NMRAL1: variants seen among roughly 807,000 people sequenced by gnomAD.
NMRAL1 encodes the protein nmrA-like family domain-containing protein 1.
In NMRAL1, 32 loss-of-function variants were observed where a neutral mutation model predicts 27.5. That is an observed-to-expected ratio of 1.16 (90% CI 0.88 to 1.56). The LOEUF is 1.56. Among genes scored for constraint, NMRAL1 ranks in the 40% most tolerant of loss-of-function variants. The pLI is 0.00. For synonymous variants in NMRAL1, 166 were observed against 166.8 expected (o/e 1.00, Z 0.04); for missense variants, 420 against 392.0 (o/e 1.07, Z -0.60).
At chr16:4,472,151 T>C (rs970124244) in intron 2 of NMRAL1, among the ~76,000 whole-genome samples, 7 of 152,004 alleles carry the variant, frequency 4.6e-5, no homozygotes, top group African/African-American at 1.5e-4. Context: ...CAAGTATCCA[T>C]CCACTGACGA....
intron 3 of NMRAL1, 85 bp from the exon 4 acceptor site, chr16:4,466,487 C>G (rs754612316): frequency 7.1e-7 from 1 of 1,415,318 alleles, no homozygotes; most frequent in African/African-American, 1.4e-5. Flanking sequence ...AATCCCGGAG[C>G]GGCCACCATC....
rs777282190 is a variant in NMRAL1, at chr16:4,473,819, G to C, written c.40+274C>G. Among the ~76,000 whole-genome samples, 6 of 152,070 alleles carry C rather than the reference G, an allele frequency of 3.9e-5. 1 individual carries two copies. In the South Asian group the frequency reaches 6.2e-4, roughly 16 times the overall value. On this transcript the variant is annotated intron_variant, in intron 2 of 5. Coordinates refer to ENST00000283429, the MANE Select transcript of NMRAL1 (RefSeq NM_020677.6). ...CATGCCCTTGTAATCCCAGCTACTC[G>C]GGAGGCTGAGACAGGAGAATCGCTT...
In NMRAL1 at chr16:4,469,416, G is replaced by C. The variant is rs542658324; in HGVS notation, c.90C>G (p.Phe30Leu). 2.5e-6 allele frequency: 4 copies of C among 1,614,088 alleles called. No homozygotes were observed. In the South Asian group the frequency reaches 4.4e-5, roughly 18 times the overall value. Reference sequence around the variant, plus strand: ...GGTTTCGGGTCACCACTCGAACCTTGAATGTCCCATCTTCCAGGAGTGTGC... The same window carrying C: ...GGTTTCGGGTCACCACTCGAACCTTCAATGTCCCATCTTCCAGGAGTGTGC... Reference protein sequence around the residue: ...VARTLLEDGTFKVRVVTRNPR... With the variant: ...VARTLLEDGTLKVRVVTRNPR... The change falls in exon 3 of 6, where the codon TTC becomes TTG. Residue 30 changes from phenylalanine to leucine, a missense_variant. Physicochemically the swap from Phe to Leu is conservative, Grantham distance 22. Coordinates refer to ENST00000283429, the MANE Select transcript of NMRAL1 (RefSeq NM_020677.6).
intron 5 of NMRAL1, 96 bp from the exon 6 acceptor site, chr16:4,462,055 T>A (rs2057134257): frequency 2.0e-6 from 2 of 982,064 alleles, no homozygotes; most frequent in East Asian, 4.9e-5. Context: ...CCCGACCTGC[T>A]ACACCCAGAG....
At chr16:4,463,031 T>C (rs1302733929) in intron 5 of NMRAL1, among the ~76,000 whole-genome samples, 5 of 151,964 alleles carry the variant, frequency 3.3e-5, no homozygotes, top group Non-Finnish European at 4.4e-5. Context: ...ATTTGTTTAT[T>C]TTTAGTAGAG....
chr16:4,474,407 C>A (rs910693987), intron 1 of NMRAL1, 147 bp downstream of exon 1: 159 of 470,846 alleles, frequency 3.4e-4, no homozygotes, highest in Non-Finnish European at 5.3e-4. Context: ...GCCCGGGTCC[C>A]ACCGGCTGGA....
chr16:4,461,901 A>G lies in NMRAL1; in HGVS notation c.779T>C (p.Met260Thr), dbSNP rs1474293855. ...GFPGARDLAN[M>T]FRFYALRPDR... is the part of the protein sequence containing the mutation. The stretch of plus-strand genomic sequence containing the variant: ...GGGTCTCAGGGCATAGAAACGGAAC[A>G]TGTTGGCCAGGTCCCGGGCACCGGG... Residue 260 changes from methionine to threonine, a missense_variant, in exon 6 of 6, where the codon ATG (methionine) becomes ACG (threonine). By Grantham distance (81) the Met-to-Thr change is moderately conservative (BLOSUM62 -1). Coordinates refer to ENST00000283429, the MANE Select transcript of NMRAL1 (RefSeq NM_020677.6). 2 of 1,614,034 alleles carry G rather than the reference A, an allele frequency of 1.2e-6. No individual in the cohort carries two copies. The highest frequency in any genetic ancestry group is 1.3e-5 in the African/African-American group (1 of 74,920).
At position 4,469,249 on chromosome 16, in the gene NMRAL1, C is replaced by G. The variant is rs758491855; in HGVS notation, c.257G>C (p.Ser86Thr). Residue 86 changes from serine to threonine, a missense_variant, in exon 3 of 6, where the codon AGC (serine) becomes ACC (threonine). Ser to Thr is a moderately conservative substitution (Grantham distance 58). Transcript: ENST00000283429. ...FIVTNYWESC[S>T]QEQEVKQGKL... ...CACCTGCTTGACCTCCTGCTCCTGG[C>G]TGCAGCTCTCCCAGTAATTGGTCAC... 27 of 1,613,874 alleles carry G rather than the reference C, an allele frequency of 1.7e-5. No homozygotes were observed. The East Asian group carries it at 5.3e-4, about 32-fold the overall frequency.
In NMRAL1 at chr16:4,469,341, C is replaced by T. The variant is rs2057458141; in HGVS notation, c.165G>A (p.Val55=). 9 of 1,614,138 alleles carry T rather than the reference C, an allele frequency of 5.6e-6. No individual in the cohort carries two copies. In the East Asian group the frequency reaches 2.0e-4, roughly 36 times the overall value. Residue 55 remains valine (V), a synonymous_variant, in exon 3 of 6, where the codon GTG becomes GTA. Transcript: ENST00000283429. ...TGACCTGGTCATCTTGGTCTCCCTGCACTACTTCTGCACCTTGCAGCCTCA... is the reference window on the plus strand; with the variant it reads ...TGACCTGGTCATCTTGGTCTCCCTGTACTACTTCTGCACCTTGCAGCCTCA... ...KELRLQGAEV[V]QGDQDDQVIM... is the part of the protein sequence containing the mutation.
chr16:4,474,404 T>G, intron 1 of NMRAL1, 150 bp downstream of exon 1: 1 of 468,916 alleles, frequency 2.1e-6, no homozygotes, highest in South Asian at 2.6e-5. Flanking sequence ...CCGGCCCGGG[T>G]CCCACCGGCT....
chr16:4,474,849 T>A (rs1165134799), upstream of NMRAL1: 1 of 152,244 alleles, frequency 6.6e-6, no homozygotes. Context: ...AATTTTCAGG[T>A]ATTGGGCGTC....
At chr16:4,473,113 G>A (rs907839144) in intron 2 of NMRAL1, among the ~76,000 whole-genome samples, 5 of 151,682 alleles carry the variant, frequency 3.3e-5, no homozygotes, top group Non-Finnish European at 2.9e-5. Context: ...AGCTATAGGT[G>A]CATGACACCA....
chr16:4,464,611 G>GT (rs775753695), intron 4 of NMRAL1, among the ~76,000 whole-genome samples: 1,799 of 133,072 alleles, frequency 0.014, 59 homozygotes, highest in African/African-American at 0.048. Flanking sequence ...CTGACTGCAG[G>GT]TTTTTTTTTT....
chr16:4,462,106 G>A (rs1483962971), intron 5 of NMRAL1, 147 bp from the exon 6 acceptor site: 5 of 658,484 alleles, frequency 7.6e-6, no homozygotes, highest in African/African-American at 1.8e-5. Flanking sequence ...CTCCGTACAA[G>A]GTCATTTGAA....
intron 1 of NMRAL1, 120 bp downstream of exon 1, chr16:4,474,434 G>T: frequency 2.4e-6 from 1 of 409,474 alleles, no homozygotes; most frequent in Non-Finnish European, 4.5e-6. Context: ...TCCTCGCCGC[G>T]GCCTGGGCGG....
chr16:4,463,716 C>T lies in NMRAL1; in HGVS notation c.664G>A (p.Glu222Lys), dbSNP rs759872001. 68 of 1,613,944 alleles carry T rather than the reference C, an allele frequency of 4.2e-5. No homozygotes were observed. The highest frequency in any genetic ancestry group is 6.7e-5 in the Admixed American group (4 of 59,996). ...IGLSTCRHTA[E>K]EYAALLTKHT... ...TTGGTGAGCAGGGCAGCGTACTCCT[C>T]GGCCGTGTGCCTGCAAGTGCTCAGC... Residue 222 changes from glutamate (E) to lysine (K), a missense_variant, in exon 5 of 6, where the codon GAG (glutamate) becomes AAG (lysine). Glu to Lys is a moderately conservative substitution (Grantham distance 56). Coordinates refer to ENST00000283429, the MANE Select transcript of NMRAL1 (RefSeq NM_020677.6).
intron 1 of NMRAL1, 139 bp downstream of exon 1, chr16:4,474,415 G>A: frequency 2.2e-6 from 1 of 450,072 alleles, no homozygotes; most frequent in South Asian, 2.8e-5. Flanking sequence ...CCCACCGGCT[G>A]GAGTGACCTC....
chr16:4,474,441 GC>G (rs1191660035), intron 1 of NMRAL1, 112 bp downstream of exon 1: 24 of 404,934 alleles, frequency 5.9e-5, no homozygotes, highest in South Asian at 1.3e-4. Flanking sequence ...CGCGGCCTGG[GC>G]GGGACAAGTT....
At position 4,461,743 on chromosome 16, in the gene NMRAL1, G is replaced by T; in HGVS notation, c.*37C>A. 1 of 1,556,534 alleles carries T rather than the reference G, an allele frequency of 6.4e-7. No homozygotes were observed. Among genetic ancestry groups the T allele is most frequent in the Non-Finnish European group, 8.7e-7 (1 of 1,150,278 alleles). On this transcript the variant is annotated 3_prime_UTR_variant, in exon 6 of 6. Coordinates refer to ENST00000283429, the MANE Select transcript of NMRAL1 (RefSeq NM_020677.6). Reference sequence around the variant, plus strand: ...ATGTTGGTGCCTCTGCCCCTCTGGTGCCCCCGATCCCCACAAGGGGCCGCG... The same window carrying T: ...ATGTTGGTGCCTCTGCCCCTCTGGTTCCCCCGATCCCCACAAGGGGCCGCG...
Sources: allele counts gnomAD v4.1 joint callset (sites outside exome capture counted in the v4.1 genomes callset), GRCh38; gene constraint gnomAD v4.1.1; transcripts MANE v1.5; gene names NCBI Gene and HGNC (gene_info 2026-07-23, HGNC 2026-07-21).